RCAN2: variants seen among roughly 807,000 people sequenced by gnomAD.
RCAN2 encodes regulator of calcineurin 2.
Under a neutral mutation model 23.6 loss-of-function variants are expected in RCAN2, and 9 were observed. That is an observed-to-expected ratio of 0.38 (90% confidence interval 0.23 to 0.67). The LOEUF is 0.67. Ranked by LOEUF, RCAN2 falls within the 30% of genes least tolerant of loss-of-function variation. The pLI, the probability that RCAN2 is intolerant of heterozygous loss-of-function variation, is 0.51. For missense variants in RCAN2, 273 were observed against 302.3 expected, an observed-to-expected ratio of 0.90 and a Z score of 0.72; for synonymous variants, 109 against 115.7, an observed-to-expected ratio of 0.94 and a Z score of 0.37.
At chr6:46,305,207 A>G (rs74911851) in intron 2 of RCAN2, among the ~76,000 whole-genome samples, 6,695 of 152,158 alleles carry the variant, frequency 0.044, 503 homozygotes, top group African/African-American at 0.15. Flanking sequence ...TTGGTAGTCA[A>G]TGCATGGAGT....
chr6:46,449,012 C>T (rs1453333989), intron 2 of RCAN2, among the ~76,000 whole-genome samples: 1 of 151,838 alleles, frequency 6.6e-6, no homozygotes, highest in Non-Finnish European at 1.5e-5. Context: ...AAAAGGAATC[C>T]AAACTGGAAA....
chr6:46,473,178 G>A (rs1231215834), intron 1 of RCAN2, among the ~76,000 whole-genome samples: 1 of 152,104 alleles, frequency 6.6e-6, no homozygotes, highest in Non-Finnish European at 1.5e-5. Context: ...CATTTATGTG[G>A]TCTCTTATTA....
intron 2 of RCAN2, among the ~76,000 whole-genome samples, chr6:46,358,004 G>T (rs368273886): frequency 6.6e-6 from 1 of 151,978 alleles, no homozygotes; most frequent in African/African-American, 2.4e-5. Context: ...AAATCTATCC[G>T]GTCACCTCAG....
At chr6:46,253,270 G>T (rs1225564560) in intron 2 of RCAN2, among the ~76,000 whole-genome samples, 2 of 152,124 alleles carry the variant, frequency 1.3e-5, no homozygotes, top group African/African-American at 2.4e-5. Context: ...TTTAATTTTT[G>T]CTTGAAAGCT....
intron 4 of RCAN2, among the ~76,000 whole-genome samples, chr6:46,244,039 A>G (rs1229446940): frequency 6.6e-6 from 1 of 152,060 alleles, no homozygotes; most frequent in East Asian, 1.9e-4. Flanking sequence ...GGGAAAGTTC[A>G]TGCTTCTTTC....
chr6:46,351,791 T>C (rs1362941211), intron 2 of RCAN2, among the ~76,000 whole-genome samples: 2 of 152,204 alleles, frequency 1.3e-5, no homozygotes, highest in Admixed American at 6.5e-5. Flanking sequence ...TTTATGACCA[T>C]GGTGTGGCAG....
chr6:46,438,336 AG>A (rs1329778683), intron 2 of RCAN2: 2 of 152,224 alleles, frequency 1.3e-5, no homozygotes, highest in Non-Finnish European at 2.9e-5. Context: ...CCATGGCCAT[AG>A]GACTCAATAG....
intron 2 of RCAN2, among the ~76,000 whole-genome samples, chr6:46,295,040 A>T (rs1478405849): frequency 6.6e-6 from 1 of 152,182 alleles, no homozygotes; most frequent in Non-Finnish European, 1.5e-5. Context: ...CATAGAAAAG[A>T]AAAGAAGGCT....
At chr6:46,346,572 T>C (rs577088181) in intron 2 of RCAN2, among the ~76,000 whole-genome samples, 1 of 152,262 alleles carries the variant, frequency 6.6e-6, no homozygotes, top group Admixed American at 6.5e-5. Context: ...TGAGATATTA[T>C]GCAACCATTA....
intron 2 of RCAN2, among the ~76,000 whole-genome samples, chr6:46,350,443 C>T (rs931561206): frequency 6.6e-6 from 1 of 152,204 alleles, no homozygotes; most frequent in African/African-American, 2.4e-5. Flanking sequence ...AAGGCAGGTT[C>T]TCCTGGGTCA....
chr6:46,326,349 G>A (rs572935054), intron 2 of RCAN2, among the ~76,000 whole-genome samples: 4 of 152,182 alleles, frequency 2.6e-5, no homozygotes, highest in African/African-American at 9.7e-5. Context: ...GGGACAGATG[G>A]CAGGGTCTAA....
chr6:46,262,171 G>C (rs1339902354), intron 2 of RCAN2, among the ~76,000 whole-genome samples: 3 of 151,892 alleles, frequency 2.0e-5, no homozygotes, highest in Non-Finnish European at 2.9e-5. Context: ...TTAAGCTGGG[G>C]CCTCTAAATC....
At chr6:46,413,053 G>A (rs1158846938) in intron 2 of RCAN2, among the ~76,000 whole-genome samples, 2 of 152,156 alleles carry the variant, frequency 1.3e-5, no homozygotes, top group Non-Finnish European at 1.5e-5. Context: ...AGTTGTTGCT[G>A]TATGAAGATG....
At chr6:46,370,131 T>A (rs1765288259) in intron 2 of RCAN2, among the ~76,000 whole-genome samples, 1 of 152,188 alleles carries the variant, frequency 6.6e-6, no homozygotes, top group Non-Finnish European at 1.5e-5. Context: ...TCCTCTCTGG[T>A]GAGTTCTAGT....
chr6:46,392,445 C>T (rs1765964124), intron 2 of RCAN2, among the ~76,000 whole-genome samples: 1 of 152,142 alleles, frequency 6.6e-6, no homozygotes, highest in Non-Finnish European at 1.5e-5. Flanking sequence ...CTCATTTACT[C>T]ATTTTACAAA....
chr6:46,290,163 A>C (rs192638314), intron 2 of RCAN2, among the ~76,000 whole-genome samples: 1 of 152,154 alleles, frequency 6.6e-6, no homozygotes, highest in Admixed American at 6.5e-5. Flanking sequence ...ATCTTAGGTA[A>C]GGTGCTGCAT....
chr6:46,412,950 A>C (rs553219308), intron 2 of RCAN2, among the ~76,000 whole-genome samples: 1 of 152,358 alleles, frequency 6.6e-6, no homozygotes, highest in South Asian at 2.1e-4. Context: ...CATGTGAGGC[A>C]AGAATAAATT....
intron 2 of RCAN2, among the ~76,000 whole-genome samples, chr6:46,341,402 A>AAG (rs1417284387): frequency 3.3e-5 from 4 of 121,334 alleles, no homozygotes; most frequent in Admixed American, 1.7e-4. Context: ...GATGAACTAA[A>AAG]AAATAAAAAT....
chr6:46,409,245 T>C (rs1302242011), intron 2 of RCAN2, among the ~76,000 whole-genome samples: 1 of 152,080 alleles, frequency 6.6e-6, no homozygotes. Context: ...ATTGTACAGG[T>C]ATATATGAAA....
Sources: gnomAD v4.1 joint callset for allele counts (sites outside exome capture counted in the v4.1 genomes callset) on GRCh38, gnomAD v4.1.1 for gene constraint, MANE v1.5 for transcripts, NCBI Gene and HGNC (gene_info 2026-07-23, HGNC 2026-07-21) for gene names.